Variants in INTS7 observed in about 807,000 individuals in gnomAD.
The protein encoded by INTS7 is integrator complex subunit 7.
Under a neutral mutation model 109.2 loss-of-function variants are expected in INTS7, and 46 were observed. That is an observed-to-expected ratio of 0.42 (90% confidence interval 0.33 to 0.54). The LOEUF (loss-of-function observed/expected upper bound fraction) is 0.54, where lower values mean the gene tolerates loss of function less well. INTS7 is among the 20% of genes least tolerant of loss of function. The pLI is 0.07. For synonymous variants in INTS7, 412 were observed against 402.9 expected, an observed-to-expected ratio of 1.02 and a Z score of -0.27; for missense variants, 929 against 1,132.4, an observed-to-expected ratio of 0.82 and a Z score of 2.58.
intron 16 of INTS7, among the ~76,000 whole-genome samples, chr1:211,958,158 A>T (rs1381710836): frequency 2.0e-5 from 3 of 151,844 alleles, no homozygotes; most frequent in Non-Finnish European, 4.4e-5. Context: ...ATTTTCCTTC[A>T]GCCTAAAAAA....
rs36104773 is a variant in INTS7, at chr1:211,969,551, C to CTT, written c.1816-846_1816-845dup. 5.9e-3 allele frequency among the ~76,000 whole-genome samples: 501 copies of CTT among 84,978 alleles called. 4 individuals carry two copies. The highest frequency in any genetic ancestry group is 0.015 in the African/African-American group (372 of 24,032). 55.7% of individuals were successfully genotyped at this position (84,978 alleles called of 152,430 possible). A position where few individuals can be genotyped will look rare whatever the true frequency, so the allele number is the denominator to read the frequency against. On this transcript the variant is annotated intron_variant, in intron 13 of 19. Transcript: ENST00000366994. ...CCAAATTTCTTTTTCTTTTTCTTTT[C>CTT]TTTTTTTTTTTTTTTTTTTTTTGAG...
At chr1:211,953,153 G>A (rs1296836756) in intron 16 of INTS7, among the ~76,000 whole-genome samples, 1 of 152,174 alleles carries the variant, frequency 6.6e-6, no homozygotes, top group Non-Finnish European at 1.5e-5. Flanking sequence ...AGGTAAGTAA[G>A]ATGGGTAAAC....
intron 10 of INTS7, 116 bp from the exon 11 acceptor site, chr1:211,978,627 A>G (rs903982985): frequency 1.0e-5 from 11 of 1,081,758 alleles, no homozygotes; most frequent in Admixed American, 5.0e-5. Flanking sequence ...TCTTGTAGGC[A>G]TAACATTTTA....
At chr1:212,025,703 AAAT>A in intron 1 of INTS7, 1 of 165,272 alleles carries the variant, frequency 6.1e-6, no homozygotes, top group Admixed American at 6.0e-5. Flanking sequence ...AAAAAAAAAA[AAAT>A]TCACTAAGAA....
Position 211,976,657 on chromosome 1 carries a change from T to C in INTS7, c.1533A>G (p.Ala511=). 13 of 1,613,896 alleles carry C rather than the reference T, an allele frequency of 8.1e-6. No homozygotes were observed. The highest frequency in any genetic ancestry group is 3.3e-5 in the Admixed American group (2 of 60,020). Residue 511 remains alanine (A), a synonymous_variant, in exon 12 of 20, where the codon GCA becomes GCG. Transcript: ENST00000366994. ...CACTTTCAAGCTGCTGCTTAATTAC[T>C]GCCTTACTTTCCACAGACAATGCCT... ...SQKALSVESK[A]VIKQQLESVS... is the part of the protein sequence containing the mutation.
intron 7 of INTS7, among the ~76,000 whole-genome samples, chr1:211,999,924 G>A (rs1665584962): frequency 6.6e-6 from 1 of 152,070 alleles, no homozygotes; most frequent in South Asian, 2.1e-4. Context: ...GGCCAACAGG[G>A]TGAAACCCTG....
chr1:212,017,610 GA>G (rs1224581596), intron 3 of INTS7, among the ~76,000 whole-genome samples: 1 of 152,096 alleles, frequency 6.6e-6, no homozygotes, highest in Non-Finnish European at 1.5e-5. Context: ...ATTTAGAAAG[GA>G]AAAAAATCTA....
intron 11 of INTS7, among the ~76,000 whole-genome samples, chr1:211,977,111 A>G (rs1483907254): frequency 1.3e-5 from 2 of 152,198 alleles, no homozygotes; most frequent in South Asian, 2.1e-4. Flanking sequence ...TATGCAAAAT[A>G]CTGCATATTA....
intron 4 of INTS7, among the ~76,000 whole-genome samples, chr1:212,013,713 C>T (rs1231825013): frequency 2.6e-5 from 4 of 152,162 alleles, no homozygotes; most frequent in Admixed American, 6.5e-5. Context: ...TTTACTGAGC[C>T]TTTTCTATGT....
chr1:211,957,460 C>T (rs542486511), intron 16 of INTS7, among the ~76,000 whole-genome samples: 3 of 152,056 alleles, frequency 2.0e-5, no homozygotes, highest in Admixed American at 1.3e-4. Flanking sequence ...GCAGGAGAAT[C>T]GCTTGAACCT....
At chr1:211,964,765 A>G (rs5910726) in intron 16 of INTS7, among the ~76,000 whole-genome samples, 1 of 152,196 alleles carries the variant, frequency 6.6e-6, no homozygotes, top group African/African-American at 2.4e-5. Flanking sequence ...AACCGATGTC[A>G]TATGCAGAAG....
chr1:211,951,394 C>T (rs1361165644), intron 17 of INTS7, among the ~76,000 whole-genome samples: 1 of 152,022 alleles, frequency 6.6e-6, no homozygotes, highest in Non-Finnish European at 1.5e-5. Context: ...CTGCAACCTC[C>T]GCCACCCGGT....
At position 212,006,901 on chromosome 1, in the gene INTS7, C is replaced by T. The variant is rs937923678; in HGVS notation, c.757-140G>A. On this transcript the variant is annotated intron_variant, in intron 6 of 19. Transcript: ENST00000366994. ...CTGTCACTCACTAGCTATGTGCCCA[C>T]ATTTGGGCCTCTTTCTCCATGTTTG... 1.5e-5 allele frequency: 10 copies of T among 674,596 alleles called. No individual in the cohort carries two copies. The African/African-American group carries it at 1.6e-4, about 11-fold the overall frequency. 41.8% of individuals were successfully genotyped at this position (674,596 alleles called of 1,614,324 possible).
intron 17 of INTS7, 29 bp downstream of exon 17, chr1:211,952,540 A>G (rs1309516218): frequency 6.2e-7 from 1 of 1,606,902 alleles, no homozygotes; most frequent in Admixed American, 1.7e-5. Context: ...TCCATACAAT[A>G]AAAGCTCAAT....
At chr1:212,007,045 A>T (rs537577350) in intron 6 of INTS7, among the ~76,000 whole-genome samples, 2 of 152,040 alleles carry the variant, frequency 1.3e-5, no homozygotes, top group Admixed American at 1.3e-4. Context: ...GTACTCCATA[A>T]CATCTCATTT....
At chr1:212,000,760 CA>C (rs577586329) in intron 7 of INTS7, among the ~76,000 whole-genome samples, 2 of 151,782 alleles carry the variant, frequency 1.3e-5, no homozygotes, top group Non-Finnish European at 2.9e-5. Context: ...AAACAAAACC[CA>C]AAAAAAATCC....
intron 7 of INTS7, among the ~76,000 whole-genome samples, chr1:212,003,882 C>T (rs1665788463): frequency 6.6e-6 from 1 of 152,058 alleles, no homozygotes; most frequent in Admixed American, 6.6e-5. Flanking sequence ...ATAATCAATA[C>T]AGGAAGAAAC....
chr1:211,964,040 A>G (rs567427287), intron 16 of INTS7, among the ~76,000 whole-genome samples: 20 of 152,268 alleles, frequency 1.3e-4, no homozygotes, highest in African/African-American at 4.8e-4. Context: ...ATAAGAAGAG[A>G]GGAAGTCCAA....
chr1:211,977,122 C>T (rs1255303428), intron 11 of INTS7, among the ~76,000 whole-genome samples: 3 of 152,000 alleles, frequency 2.0e-5, no homozygotes, highest in Admixed American at 6.6e-5. Flanking sequence ...CTGCATATTA[C>T]TTAGGGATAT....
Sources: gnomAD v4.1 joint callset for allele counts (sites outside exome capture counted in the v4.1 genomes callset) on GRCh38, gnomAD v4.1.1 for gene constraint, MANE v1.5 for transcripts, NCBI Gene and HGNC (gene_info 2026-07-23, HGNC 2026-07-21) for gene names.